The following VPS37A variants were observed in gnomAD, a reference collection of about 807,000 sequenced individuals.
VPS37A encodes the protein vacuolar protein sorting-associated protein 37A.
VPS37A carries 30 observed loss-of-function variants against 49.8 expected under a neutral mutation model. The observed-to-expected ratio is 0.60, with a 90% confidence interval of 0.45 to 0.82. The LOEUF is 0.82. Ranked by LOEUF, VPS37A falls within the 40% of genes least tolerant of loss-of-function variation. The pLI, the probability that VPS37A is intolerant of heterozygous loss-of-function variation, is 0.00. For missense variants in VPS37A, 593 were observed against 464.4 expected, an observed-to-expected ratio of 1.28 and a Z score of -2.55; for synonymous variants, 195 against 160.6, an observed-to-expected ratio of 1.21 and a Z score of -1.62.
intron 1 of VPS37A, chr8:17,248,139 T>C (rs1585892754): frequency 2.8e-6 from 1 of 363,300 alleles, no homozygotes; most frequent in East Asian, 7.2e-5. Context: ...ATGTCTATGG[T>C]CTCTAATGGT....
the VPS37A span, chr8:17,313,331 G>A: frequency 6.2e-7 from 1 of 1,613,210 alleles, no homozygotes; most frequent in South Asian, 1.1e-5. Flanking sequence ...TGGCTTTAAT[G>A]TGCCTTAACC....
At chr8:17,300,137 T>G, downstream of VPS37A, 2 of 1,614,156 alleles carry the variant, frequency 1.2e-6, no homozygotes, top group South Asian at 1.1e-5. Context: ...TTGTCTGAGG[T>G]AGAAAACCCT....
At chr8:17,288,805 A>G (rs891183034) in intron 11 of VPS37A, among the ~76,000 whole-genome samples, 7 of 152,204 alleles carry the variant, frequency 4.6e-5, no homozygotes, top group African/African-American at 1.7e-4. Context: ...CTGGTCTTCC[A>G]TAATGGTTGA....
chr8:17,309,780 C>T, the VPS37A span, among the ~76,000 whole-genome samples: 8 of 152,150 alleles, frequency 5.3e-5, no homozygotes, highest in African/African-American at 1.9e-4. Flanking sequence ...TGCTGCCTCT[C>T]AGTGTAATGT....
At chr8:17,304,616 C>A, downstream of VPS37A, 1 of 1,324,984 alleles carries the variant, frequency 7.5e-7, no homozygotes, top group East Asian at 2.4e-5. Context: ...ATAATTGTTA[C>A]CTGAAAACCA....
chr8:17,249,586 A>G (rs1002356704), intron 1 of VPS37A, among the ~76,000 whole-genome samples: 1 of 152,348 alleles, frequency 6.6e-6, no homozygotes, highest in African/African-American at 2.4e-5. Flanking sequence ...AAAGAATGGC[A>G]CAATCCTGGA....
chr8:17,321,575 C>A, the VPS37A span, among the ~76,000 whole-genome samples: 3 of 152,186 alleles, frequency 2.0e-5, no homozygotes, highest in Non-Finnish European at 4.4e-5. Flanking sequence ...ACACTTGAGA[C>A]CAAAGCGATT....
the VPS37A span, among the ~76,000 whole-genome samples, chr8:17,322,211 T>C: frequency 6.6e-6 from 1 of 152,160 alleles, no homozygotes; most frequent in African/African-American, 2.4e-5. Context: ...ACTGGCAAAA[T>C]GATGATAATG....
the VPS37A span, among the ~76,000 whole-genome samples, chr8:17,318,656 T>G: frequency 1.3e-5 from 2 of 152,318 alleles, no homozygotes; most frequent in Admixed American, 6.5e-5. Flanking sequence ...TTCTCTTGTC[T>G]GGATGGTTCC....
intron 1 of VPS37A, among the ~76,000 whole-genome samples, chr8:17,262,156 A>G (rs1262738422): frequency 2.6e-5 from 4 of 152,068 alleles, no homozygotes; most frequent in South Asian, 2.1e-4. Flanking sequence ...TTCTCTTACC[A>G]TCTGCTCAGA....
the VPS37A span, among the ~76,000 whole-genome samples, chr8:17,315,084 A>G: frequency 6.6e-6 from 1 of 152,252 alleles, no homozygotes; most frequent in Admixed American, 6.5e-5. Flanking sequence ...TACAGTTTTA[A>G]TCATTAAAAG....
the VPS37A span, among the ~76,000 whole-genome samples, chr8:17,312,766 A>C: frequency 6.6e-6 from 1 of 152,126 alleles, no homozygotes; most frequent in Non-Finnish European, 1.5e-5. Flanking sequence ...ATCAGGGAAG[A>C]TATGGTTCTC....
chr8:17,317,086 CTGAA>C, the VPS37A span, among the ~76,000 whole-genome samples: 4 of 152,154 alleles, frequency 2.6e-5, no homozygotes, highest in African/African-American at 9.7e-5. Context: ...GTTTTCTTCT[CTGAA>C]TGTTGTTTTC....
At chr8:17,271,146 T>C (rs1813948039) in intron 4 of VPS37A, among the ~76,000 whole-genome samples, 1 of 152,258 alleles carries the variant, frequency 6.6e-6, no homozygotes, top group East Asian at 1.9e-4. Context: ...TTCTTGGTTC[T>C]GCCTTCTGTG....
At chr8:17,285,396 T>C (rs1023504197) in intron 10 of VPS37A, among the ~76,000 whole-genome samples, 2 of 152,216 alleles carry the variant, frequency 1.3e-5, no homozygotes, top group Non-Finnish European at 1.5e-5. Flanking sequence ...TTTTTAAAAA[T>C]TGAGAAACAG....
At chr8:17,281,200 A>C (rs1217203163) in intron 9 of VPS37A, among the ~76,000 whole-genome samples, 3 of 152,056 alleles carry the variant, frequency 2.0e-5, no homozygotes, top group African/African-American at 7.2e-5. Flanking sequence ...GAAGCTATTT[A>C]CGTATATTGG....
intron 11 of VPS37A, among the ~76,000 whole-genome samples, chr8:17,289,329 TG>T (rs1815922395): frequency 6.6e-6 from 1 of 152,246 alleles, no homozygotes; most frequent in Non-Finnish European, 1.5e-5. Flanking sequence ...AGGGTTTTTA[TG>T]GTTTTAGGTC....
At chr8:17,305,938 C>A (rs774427127), downstream of VPS37A, 4 of 1,613,138 alleles carry the variant, frequency 2.5e-6, no homozygotes, top group East Asian at 6.7e-5. Context: ...TCTTTTGGGT[C>A]ACCATCTAGA....
At chr8:17,307,996 CCTG>C in the VPS37A span, among the ~76,000 whole-genome samples, 1 of 151,780 alleles carries the variant, frequency 6.6e-6, no homozygotes, top group Admixed American at 6.6e-5. Context: ...ATGTAACAAA[CCTG>C]CACGTTGTGC....
Sources: allele counts gnomAD v4.1 joint callset (sites outside exome capture counted in the v4.1 genomes callset), GRCh38; gene constraint gnomAD v4.1.1; transcripts MANE v1.5; gene names NCBI Gene and HGNC (gene_info 2026-07-23, HGNC 2026-07-21).